Variants in SEC14L1 observed in about 807,000 individuals in gnomAD.
SEC14L1 encodes the protein SEC14-like protein 1.
A neutral mutation model predicts 85.3 loss-of-function variants in SEC14L1; 48 were observed. The ratio of observed to expected loss-of-function variants is 0.56; its 90% confidence interval spans 0.45 to 0.72. The LOEUF is 0.72. Ranked by LOEUF, SEC14L1 falls within the 30% of genes least tolerant of loss-of-function variation. SEC14L1 has a pLI of 0.00. For synonymous variants in SEC14L1, 391 were observed against 355.5 expected (o/e 1.10, Z -1.12); for missense variants, 682 against 921.4 (o/e 0.74, Z 3.36).
intron 3 of SEC14L1, among the ~76,000 whole-genome samples, chr17:77,156,114 C>A (rs561380692): frequency 6.6e-6 from 1 of 152,296 alleles, no homozygotes; most frequent in African/African-American, 2.4e-5. Flanking sequence ...TCTCACCTGG[C>A]TGACTCTAGC....
At chr17:77,143,799 C>G in intron 3 of SEC14L1, 140 bp downstream of exon 3, 2 of 543,958 alleles carry the variant, frequency 3.7e-6, no homozygotes, top group East Asian at 3.2e-5. Flanking sequence ...TGAACCGTAT[C>G]TAGAGTGTGT....
Position 77,191,314 on chromosome 17 carries a change from T to G in SEC14L1, c.345+2T>G. ...ATTAATGAGCATTGCTGCTACACCG[T>G]GAGTAATCTGTCACTCGGCGGAAGA... On this transcript the variant is annotated splice_donor_variant, in intron 5 of 16. Transcript: ENST00000436233. LOFTEE classifies it high-confidence loss of function. 1.2e-6 allele frequency: 2 copies of G among 1,614,078 alleles called. No homozygotes were observed. Among genetic ancestry groups the G allele is most frequent in the Non-Finnish European group, 1.7e-6 (2 of 1,179,968 alleles).
At chr17:77,188,290 C>G (rs944693838) in intron 3 of SEC14L1, among the ~76,000 whole-genome samples, 1 of 152,176 alleles carries the variant, frequency 6.6e-6, no homozygotes, top group African/African-American at 2.4e-5. Context: ...GCCACACCTG[C>G]TTCGCTCCTG....
At position 77,216,492 on chromosome 17, in the gene SEC14L1, A is replaced by C; in HGVS notation, c.*2469A>C. 1 of 1,612,684 alleles carries C rather than the reference A, an allele frequency of 6.2e-7. No individual in the cohort carries two copies. Among genetic ancestry groups the C allele is most frequent in the Non-Finnish European group, 8.5e-7 (1 of 1,179,122 alleles). On this transcript the variant is annotated 3_prime_UTR_variant, in exon 17 of 17. Transcript: ENST00000436233. Reference sequence around the variant, plus strand: ...TTCCACCTGGTGCTTCCTGTTCCCAAATCACAAGGGCCTGAAGGTGGTCCC... The same window carrying C: ...TTCCACCTGGTGCTTCCTGTTCCCACATCACAAGGGCCTGAAGGTGGTCCC...
intron 3 of SEC14L1, among the ~76,000 whole-genome samples, chr17:77,115,651 T>C (rs1972154124): frequency 6.6e-6 from 1 of 152,096 alleles, no homozygotes; most frequent in African/African-American, 2.4e-5. Flanking sequence ...AGAAGGGATA[T>C]TTTAGGCGCT....
At chr17:77,196,428 T>C in intron 8 of SEC14L1, 117 bp downstream of exon 8, 1 of 651,148 alleles carries the variant, frequency 1.5e-6, no homozygotes, top group Non-Finnish European at 2.6e-6. Context: ...GGAATGTTTC[T>C]TCCAGTTTAG....
chr17:77,152,372 C>T (rs1280023517), intron 3 of SEC14L1, among the ~76,000 whole-genome samples: 1 of 151,902 alleles, frequency 6.6e-6, no homozygotes, highest in African/African-American at 2.4e-5. Context: ...CTTGTTTCTA[C>T]TAAAAATACA....
intron 6 of SEC14L1, 73 bp from the exon 7 acceptor site, chr17:77,194,601 AAAG>A: frequency 8.0e-7 from 1 of 1,251,682 alleles, no homozygotes; most frequent in Non-Finnish European, 1.1e-6. Flanking sequence ...GGCTAGAAAA[AAAG>A]AAAAATCTTG....
chr17:77,180,165 G>A (rs1363261935), intron 3 of SEC14L1, among the ~76,000 whole-genome samples: 1 of 151,798 alleles, frequency 6.6e-6, no homozygotes, highest in South Asian at 2.1e-4. Flanking sequence ...GTGCAGTGGC[G>A]TGATCTTGGT....
At chr17:77,182,728 C>T (rs1014508274) in intron 3 of SEC14L1, among the ~76,000 whole-genome samples, 38 of 152,144 alleles carry the variant, frequency 2.5e-4, no homozygotes, top group Admixed American at 2.0e-3. Flanking sequence ...GCTGCTCTTC[C>T]GGCGCAGTGA....
At chr17:77,126,122 T>G (rs945359961) in intron 3 of SEC14L1, among the ~76,000 whole-genome samples, 1 of 152,104 alleles carries the variant, frequency 6.6e-6, no homozygotes, top group Admixed American at 6.5e-5. Flanking sequence ...CTGCACTCCA[T>G]CCTGGGTGAC....
At chr17:77,106,329 T>C (rs1470408036) in intron 3 of SEC14L1, among the ~76,000 whole-genome samples, 2 of 152,016 alleles carry the variant, frequency 1.3e-5, no homozygotes, top group Non-Finnish European at 2.9e-5. Flanking sequence ...GTCAGGAGTT[T>C]GAGACCAGCC....
chr17:77,160,132 A>G (rs1345696861), intron 3 of SEC14L1, among the ~76,000 whole-genome samples: 1 of 152,246 alleles, frequency 6.6e-6, no homozygotes, highest in African/African-American at 2.4e-5. Context: ...TTGGCAGCCT[A>G]CTGACTCTGT....
intron 7 of SEC14L1, among the ~76,000 whole-genome samples, chr17:77,195,649 G>A (rs1051493829): frequency 6.6e-6 from 1 of 152,062 alleles, no homozygotes; most frequent in Non-Finnish European, 1.5e-5. Flanking sequence ...CGCCACGCCT[G>A]ACTAATTTTT....
At chr17:77,181,799 T>C (rs1393890512) in intron 3 of SEC14L1, among the ~76,000 whole-genome samples, 1 of 152,220 alleles carries the variant, frequency 6.6e-6, no homozygotes. Context: ...ATTTTTAGTA[T>C]AGGGCCTGCA....
At position 77,173,039 on chromosome 17, in the gene SEC14L1, A is replaced by G. The variant is rs144385757; in HGVS notation, c.64-17764A>G. On this transcript the variant is annotated intron_variant, in intron 3 of 16. Coordinates refer to ENST00000436233, the MANE Select transcript of SEC14L1 (RefSeq NM_001143998.2). Reference sequence around the variant, plus strand: ...TAAAAAGCGAATACCTAGGATAGACATTAGCTCAGCCCAAGTATATATCTG... The same window carrying G: ...TAAAAAGCGAATACCTAGGATAGACGTTAGCTCAGCCCAAGTATATATCTG... Among the ~76,000 whole-genome samples, 38 of 152,324 alleles carry G rather than the reference A, an allele frequency of 2.5e-4. No individual in the cohort carries two copies. In the East Asian group the frequency reaches 7.1e-3, roughly 29 times the overall value.
At chr17:77,155,393 C>G (rs1973762268) in intron 3 of SEC14L1, among the ~76,000 whole-genome samples, 1 of 152,216 alleles carries the variant, frequency 6.6e-6, no homozygotes, top group African/African-American at 2.4e-5. Context: ...TCCCTTTCCC[C>G]TGAGCTGCTG....
rs368035726 is a variant in SEC14L1, at chr17:77,212,147, C to T, written c.1809C>T (p.Arg603=). Residue 603 remains arginine (R), a synonymous_variant, in exon 15 of 17, where the codon CGC becomes CGT. Transcript: ENST00000436233. Reference sequence around the variant, plus strand: ...TAGACAAAGTCTGGCAGCTGGGCCGCGACTACAGCATGGTGGAGTCGCCTC... The same window carrying T: ...TAGACAAAGTCTGGCAGCTGGGCCGTGACTACAGCATGGTGGAGTCGCCTC... ...QLIDKVWQLG[R]DYSMVESPLI... 121 of 1,613,958 alleles carry T rather than the reference C, an allele frequency of 7.5e-5. No homozygotes were observed. The highest frequency in any genetic ancestry group is 9.7e-5 in the Non-Finnish European group (114 of 1,180,036).
chr17:77,168,818 G>A (rs1025778276), intron 3 of SEC14L1, among the ~76,000 whole-genome samples: 17 of 152,090 alleles, frequency 1.1e-4, no homozygotes, highest in African/African-American at 3.6e-4. Flanking sequence ...TTGACAAACC[G>A]CTGTTGATTA....
Sources: allele counts gnomAD v4.1 joint callset (sites outside exome capture counted in the v4.1 genomes callset), GRCh38; gene constraint gnomAD v4.1.1; transcripts MANE v1.5; gene names NCBI Gene and HGNC (gene_info 2026-07-23, HGNC 2026-07-21).